The following CCDC18 variants were observed in gnomAD, a reference collection of about 807,000 sequenced individuals.
CCDC18 encodes the protein coiled-coil domain-containing protein 18.
CCDC18 carries 157 observed loss-of-function variants against 196.0 expected under a neutral mutation model. The observed-to-expected ratio is 0.80, with a 90% CI of 0.70 to 0.91. CCDC18 has a LOEUF of 0.91. Among genes scored for constraint, CCDC18 ranks in the 40% least tolerant of loss-of-function variants. The probability of loss-of-function intolerance (pLI) is 0.00; values close to 1 mark genes in which losing one functional copy is unlikely to be tolerated. For synonymous variants in CCDC18, 482 were observed against 529.2 expected (o/e 0.91, Z 1.22); for missense variants, 1,465 against 1,611.6 (o/e 0.91, Z 1.56).
At chr1:93,259,608 T>TG (rs1216219564) in intron 26 of CCDC18, among the ~76,000 whole-genome samples, 2 of 152,194 alleles carry the variant, frequency 1.3e-5, no homozygotes, top group Non-Finnish European at 2.9e-5. Flanking sequence ...GTAGGGCTTG[T>TG]GGGGACCATG....
At chr1:93,231,804 G>T (rs771545199) in intron 17 of CCDC18, among the ~76,000 whole-genome samples, 12 of 151,722 alleles carry the variant, frequency 7.9e-5, no homozygotes, top group Non-Finnish European at 1.8e-4. Flanking sequence ...TGCTTTGCTG[G>T]GATATTATTA....
At chr1:93,264,648 A>T in intron 26 of CCDC18, 53 bp from the exon 27 acceptor site, 1 of 1,073,924 alleles carries the variant, frequency 9.3e-7, no homozygotes, top group Non-Finnish European at 1.4e-6. Context: ...TGTCGAATCC[A>T]GTTTCCTTCC....
intron 21 of CCDC18, among the ~76,000 whole-genome samples, chr1:93,242,490 G>A (rs1442221942): frequency 6.6e-6 from 1 of 152,128 alleles, no homozygotes; most frequent in East Asian, 1.9e-4. Flanking sequence ...ATGAGATTTG[G>A]ATGGGGTCAC....
At chr1:93,185,171 A>C (rs1369496881) in intron 3 of CCDC18, among the ~76,000 whole-genome samples, 1 of 151,972 alleles carries the variant, frequency 6.6e-6, no homozygotes, top group Non-Finnish European at 1.5e-5. Flanking sequence ...ACTATACCTA[A>C]GTACCTTACC....
intron 8 of CCDC18, among the ~76,000 whole-genome samples, chr1:93,206,356 G>A (rs1241872830): frequency 6.6e-6 from 1 of 152,088 alleles, no homozygotes; most frequent in African/African-American, 2.4e-5. Flanking sequence ...AAGAAAGAAA[G>A]ATGCTGCCAA....
At chr1:93,195,511 TCCC>T (rs1652576167) in intron 6 of CCDC18, among the ~76,000 whole-genome samples, 1 of 152,108 alleles carries the variant, frequency 6.6e-6, no homozygotes, top group African/African-American at 2.4e-5. Context: ...TTTGAATGTG[TCCC>T]CCCAATTTTT....
intron 6 of CCDC18, among the ~76,000 whole-genome samples, chr1:93,198,876 G>T (rs184137797): frequency 7.9e-5 from 12 of 152,156 alleles, no homozygotes; most frequent in African/African-American, 2.9e-4. Flanking sequence ...TGAACTCCTG[G>T]GTTCAAGTGG....
At chr1:93,214,992 TA>T (rs1161655104) in intron 12 of CCDC18, 26 bp downstream of exon 12, 2 of 1,430,350 alleles carry the variant, frequency 1.4e-6, no homozygotes, top group Non-Finnish European at 1.9e-6. Context: ...GCTTGGTATA[TA>T]TGTTAATTTT....
chr1:93,205,745 T>A lies in CCDC18; in HGVS notation c.917+114T>A, dbSNP rs564105947. On this transcript the variant is annotated intron_variant, in intron 8 of 28. Coordinates refer to ENST00000690025, the MANE Select transcript of CCDC18 (RefSeq NM_001378204.1). ...TATAGGCTTACATTATATAGAAGGA[T>A]AGGCTTCATGACTGAAACTGTTTTC... 406 of 921,074 alleles carry A rather than the reference T, an allele frequency of 4.4e-4. No individual in the cohort carries two copies. The African/African-American group carries it at 6.6e-3, about 15-fold the overall frequency. The allele number at this position is 921,074 out of a possible 1,614,324, so 57.1% of individuals were successfully genotyped here.
rs534170682 is a variant in CCDC18 at position 93,218,657 on chromosome 1, G to A, written c.1962+788G>A. Among the ~76,000 whole-genome samples the A allele has an allele frequency of 5.9e-5, 9 of 151,924 alleles. No homozygotes were observed. In the East Asian group the frequency reaches 9.7e-4, roughly 16 times the overall value. On this transcript the variant is annotated intron_variant, in intron 14 of 28. Transcript: ENST00000690025. ...CCTGAGTAGCTGGGATTACAGGTGC[G>A]CGCCACCAAGCCTGGCTAATTTTTG...
intron 27 of CCDC18, among the ~76,000 whole-genome samples, chr1:93,269,170 G>A (rs1664937612): frequency 6.6e-6 from 1 of 150,998 alleles, no homozygotes; most frequent in African/African-American, 2.4e-5. Flanking sequence ...GCAAACTATT[G>A]CAAGGACAAA....
At chr1:93,258,415 A>G (rs1288613317) in intron 25 of CCDC18, among the ~76,000 whole-genome samples, 1 of 152,184 alleles carries the variant, frequency 6.6e-6, no homozygotes, top group Non-Finnish European at 1.5e-5. Context: ...GACAATATAT[A>G]TAGTGAGCAA....
intron 6 of CCDC18, among the ~76,000 whole-genome samples, chr1:93,196,097 T>C (rs1482106929): frequency 6.6e-6 from 1 of 151,974 alleles, no homozygotes; most frequent in African/African-American, 2.4e-5. Context: ...CCGAGATAGG[T>C]GGATCACTTG....
intron 28 of CCDC18, among the ~76,000 whole-genome samples, chr1:93,275,543 TA>T (rs1665576776): frequency 6.6e-6 from 1 of 152,150 alleles, no homozygotes; most frequent in South Asian, 2.1e-4. Flanking sequence ...AAAACTCTTT[TA>T]AACCAAATAA....
intron 9 of CCDC18, among the ~76,000 whole-genome samples, chr1:93,208,342 G>GT (rs60172144): frequency 4.7e-5 from 7 of 149,526 alleles, no homozygotes; most frequent in Non-Finnish European, 8.9e-5. Context: ...TTGTTTGTTT[G>GT]TTTTTTTGAC....
At chr1:93,244,518 A>T (rs1026789513) in intron 21 of CCDC18, among the ~76,000 whole-genome samples, 1 of 152,222 alleles carries the variant, frequency 6.6e-6, no homozygotes, top group South Asian at 2.1e-4. Context: ...TGGCAAATTC[A>T]TAGAGAAAGA....
At chr1:93,261,970 T>A (rs1016410426) in intron 26 of CCDC18, among the ~76,000 whole-genome samples, 1 of 152,140 alleles carries the variant, frequency 6.6e-6, no homozygotes, top group African/African-American at 2.4e-5. Context: ...CTTACAATCA[T>A]GGCAGAAGGT....
At position 93,217,780 on chromosome 1, in the gene CCDC18, A is replaced by G. The variant is rs1434068077; in HGVS notation, c.1873A>G (p.Thr625Ala). The change falls in exon 14 of 29, where the codon ACA becomes GCA. Residue 625 changes from threonine to alanine, a missense_variant. Transcript: ENST00000690025. ...AAGGAGTCTAGAAACCAATATTAAT[A>G]CAGAGCATGAGAAAATTTGTTTAGC... ...KIRSLETNIN[T>A]EHEKICLAFE... The G allele has an allele frequency of 6.2e-7, 1 of 1,609,034 alleles. No homozygotes were observed. The highest frequency in any genetic ancestry group is 1.1e-5 in the South Asian group (1 of 90,974).
intron 17 of CCDC18, among the ~76,000 whole-genome samples, chr1:93,230,330 A>T (rs896092054): frequency 3.7e-5 from 5 of 134,916 alleles, no homozygotes; most frequent in African/African-American, 1.3e-4. Context: ...TATTAAAATT[A>T]AAAAAAAAAA....
Sources: gnomAD v4.1 joint callset for allele counts (sites outside exome capture counted in the v4.1 genomes callset) on GRCh38, gnomAD v4.1.1 for gene constraint, MANE v1.5 for transcripts, NCBI Gene and HGNC (gene_info 2026-07-23, HGNC 2026-07-21) for gene names.